PTPRD: variants seen among roughly 807,000 people sequenced by gnomAD.
PTPRD encodes the protein protein tyrosine phosphatase receptor type D.
PTPRD carries 34 observed loss-of-function variants against 214.5 expected under a neutral mutation model. That is an observed-to-expected ratio of 0.16 (90% CI 0.12 to 0.21). The LOEUF (loss-of-function observed/expected upper bound fraction) is 0.21. Ranked by LOEUF, PTPRD falls within the 10% of genes least tolerant of loss-of-function variation. The probability of loss-of-function intolerance (pLI) is 1.00; values close to 1 mark genes in which losing one functional copy is unlikely to be tolerated. For synonymous variants in PTPRD, 1,128 were observed against 845.7 expected, an observed-to-expected ratio of 1.33 and a Z score of -5.79; for missense variants, 2,545 against 2,398.7, an observed-to-expected ratio of 1.06 and a Z score of -1.27.
chr9:9,071,427 A>G (rs1569527516), intron 10 of PTPRD, among the ~76,000 whole-genome samples: 1 of 152,172 alleles, frequency 6.6e-6, no homozygotes, highest in African/African-American at 2.4e-5. Context: ...AAAAAGAACT[A>G]GGCCTTCTCT....
chr9:8,906,210 T>C (rs983924881), intron 11 of PTPRD, among the ~76,000 whole-genome samples: 2 of 152,242 alleles, frequency 1.3e-5, no homozygotes, highest in African/African-American at 4.8e-5. Flanking sequence ...AAACATCTTT[T>C]TTTCCTCCTT....
At chr9:9,480,935 C>T (rs1431905820) in intron 8 of PTPRD, among the ~76,000 whole-genome samples, 3 of 152,180 alleles carry the variant, frequency 2.0e-5, no homozygotes, top group African/African-American at 7.2e-5. Context: ...ATGCCACATG[C>T]TACCCACTAC....
At chr9:9,116,975 G>A (rs1256807292) in intron 10 of PTPRD, among the ~76,000 whole-genome samples, 2 of 152,078 alleles carry the variant, frequency 1.3e-5, no homozygotes, top group Non-Finnish European at 2.9e-5. Context: ...AATGATAAAT[G>A]CTCAGGGTGT....
chr9:9,487,940 C>T (rs1383464640), intron 8 of PTPRD, among the ~76,000 whole-genome samples: 1 of 152,082 alleles, frequency 6.6e-6, no homozygotes, highest in African/African-American at 2.4e-5. Flanking sequence ...GAGTTCTTGT[C>T]AAAATAATAG....
intron 7 of PTPRD, among the ~76,000 whole-genome samples, chr9:9,660,167 C>A (rs898322673): frequency 1.3e-5 from 2 of 151,762 alleles, no homozygotes; most frequent in African/African-American, 4.8e-5. Flanking sequence ...CCCCCGTGGT[C>A]AAAAGATAAA....
intron 10 of PTPRD, among the ~76,000 whole-genome samples, chr9:9,042,285 T>G (rs1277716118): frequency 2.0e-5 from 3 of 152,108 alleles, no homozygotes; most frequent in Non-Finnish European, 4.4e-5. Flanking sequence ...CTGAAGAAAA[T>G]CCTGAGGGGA....
chr9:8,634,399 T>C (rs1184636102), intron 13 of PTPRD, among the ~76,000 whole-genome samples: 2 of 152,060 alleles, frequency 1.3e-5, no homozygotes, highest in African/African-American at 2.4e-5. Context: ...GCCTAAATTA[T>C]GAATAAATTG....
At chr9:8,929,755 A>ATATATG (rs1285445116) in intron 11 of PTPRD, among the ~76,000 whole-genome samples, 3 of 58,096 alleles carry the variant, frequency 5.2e-5, no homozygotes, top group Admixed American at 1.8e-4. Context: ...GTATATATAT[A>ATATATG]TGTATATATA....
At chr9:8,765,590 A>G (rs2094678400) in intron 11 of PTPRD, among the ~76,000 whole-genome samples, 1 of 152,214 alleles carries the variant, frequency 6.6e-6, no homozygotes, top group African/African-American at 2.4e-5. Context: ...AGATGACCAC[A>G]TCTCTGGCCG....
chr9:10,286,432 AC>A (rs1458954013), intron 3 of PTPRD, among the ~76,000 whole-genome samples: 1 of 152,146 alleles, frequency 6.6e-6, no homozygotes, highest in Non-Finnish European at 1.5e-5. Flanking sequence ...ACAGAGTGAG[AC>A]CTCATTAGAA....
At chr9:9,831,238 C>G (rs796199358) in intron 5 of PTPRD, among the ~76,000 whole-genome samples, 1 of 151,940 alleles carries the variant, frequency 6.6e-6, no homozygotes, top group African/African-American at 2.4e-5. Flanking sequence ...CTTCTAAATT[C>G]TCTGCTAAAG....
chr9:9,907,712 C>T (rs1363284207), intron 5 of PTPRD, among the ~76,000 whole-genome samples: 1 of 151,910 alleles, frequency 6.6e-6, no homozygotes, highest in African/African-American at 2.4e-5. Flanking sequence ...TAACCAATTT[C>T]AGAAAATACT....
intron 10 of PTPRD, among the ~76,000 whole-genome samples, chr9:9,058,758 T>G (rs1019471270): frequency 1.6e-4 from 25 of 152,090 alleles, no homozygotes; most frequent in Non-Finnish European, 3.2e-4. Flanking sequence ...CGAGGGTTTT[T>G]TTTTAAGCAA....
chr9:10,101,856 G>A (rs2098554710), intron 3 of PTPRD, among the ~76,000 whole-genome samples: 1 of 151,578 alleles, frequency 6.6e-6, no homozygotes, highest in African/African-American at 2.4e-5. Flanking sequence ...AATCCATTCT[G>A]GGGACAGTGC....
At chr9:10,039,785 C>T (rs1017213159) in intron 3 of PTPRD, among the ~76,000 whole-genome samples, 3 of 151,852 alleles carry the variant, frequency 2.0e-5, no homozygotes, top group African/African-American at 7.3e-5. Flanking sequence ...TTGGATACGA[C>T]TGCTTTGGTA....
intron 5 of PTPRD, among the ~76,000 whole-genome samples, chr9:9,933,101 T>G (rs10978105): frequency 2.0e-5 from 3 of 149,942 alleles, no homozygotes; most frequent in Non-Finnish European, 3.0e-5. Flanking sequence ...AAGGAACAAC[T>G]GGTACCAGCC....
intron 11 of PTPRD, among the ~76,000 whole-genome samples, chr9:8,799,151 C>T (rs1379257731): frequency 2.6e-5 from 4 of 152,272 alleles, no homozygotes; most frequent in African/African-American, 4.8e-5. Context: ...CTATAAGAAA[C>T]TTCTCTTTCA....
intron 9 of PTPRD, among the ~76,000 whole-genome samples, chr9:9,351,613 CAAGAAGCCTTGGA>C (rs1280548976): frequency 6.6e-6 from 1 of 151,994 alleles, no homozygotes; most frequent in Non-Finnish European, 1.5e-5. Context: ...TACAGCAAAC[CAAGAAGCCTTGGA>C]AAGATACACA....
intron 4 of PTPRD, among the ~76,000 whole-genome samples, chr9:9,958,095 C>T (rs2094083931): frequency 6.6e-6 from 1 of 152,044 alleles, no homozygotes; most frequent in Admixed American, 6.6e-5. Context: ...AGATCAAACA[C>T]CTAAATATTA....
Sources: allele counts gnomAD v4.1 joint callset (sites outside exome capture counted in the v4.1 genomes callset), GRCh38; gene constraint gnomAD v4.1.1; transcripts MANE v1.5; gene names NCBI Gene and HGNC (gene_info 2026-07-23, HGNC 2026-07-21).